The following IL1RL2 variants were observed in gnomAD, a reference collection of about 807,000 sequenced individuals.
IL1RL2 encodes the protein interleukin 1 receptor like 2, also known as interleukin-1 receptor-like 2.
Under a neutral mutation model 66.8 loss-of-function variants are expected in IL1RL2, and 68 were observed. That is an observed-to-expected ratio of 1.02 (90% CI 0.84 to 1.25). The LOEUF (loss-of-function observed/expected upper bound fraction) is 1.25, where lower values mean the gene tolerates loss of function less well. Among genes scored for constraint, IL1RL2 ranks in the 50% most tolerant of loss-of-function variants. The probability of loss-of-function intolerance (pLI) is 0.00; values close to 1 mark genes in which losing one functional copy is unlikely to be tolerated. For missense variants in IL1RL2, 729 were observed against 709.3 expected, an observed-to-expected ratio of 1.03 and a Z score of -0.32; for synonymous variants, 305 against 264.6, an observed-to-expected ratio of 1.15 and a Z score of -1.48.
chr2:102,227,753 G>A (rs1189004266), intron 9 of IL1RL2, among the ~76,000 whole-genome samples: 1 of 152,110 alleles, frequency 6.6e-6, no homozygotes, highest in Admixed American at 6.5e-5. Flanking sequence ...AGAAGCCTGC[G>A]TCACTTTACG....
chr2:102,238,221 T>C (rs1387284195), intron 11 of IL1RL2, among the ~76,000 whole-genome samples: 1 of 151,940 alleles, frequency 6.6e-6, no homozygotes, highest in Non-Finnish European at 1.5e-5. Context: ...TGGGTTACCT[T>C]TACATTCACC....
intron 10 of IL1RL2, 56 bp from the exon 11 acceptor site, chr2:102,234,841 A>T: frequency 6.7e-7 from 1 of 1,487,292 alleles, no homozygotes; most frequent in Non-Finnish European, 9.2e-7. Flanking sequence ...CACTAGCATT[A>T]AGACCCGGGC....
intron 2 of IL1RL2, among the ~76,000 whole-genome samples, 156 bp downstream of exon 2, chr2:102,188,081 C>CACA (rs1686858379): frequency 6.6e-6 from 1 of 152,104 alleles, no homozygotes; most frequent in South Asian, 2.1e-4. Context: ...AACAGAGAAC[C>CACA]AGCTCCACGT....
chr2:102,201,487 C>T, intron 4 of IL1RL2, 69 bp from the exon 5 acceptor site: 1 of 1,444,832 alleles, frequency 6.9e-7, no homozygotes, highest in Non-Finnish European at 9.7e-7. Context: ...CTGTAAATTA[C>T]CTAAATACTA....
At chr2:102,235,397 T>C (rs1219416214) in intron 11 of IL1RL2, 120 bp downstream of exon 11, 15 of 1,485,704 alleles carry the variant, frequency 1.0e-5, no homozygotes, top group Non-Finnish European at 9.8e-6. Flanking sequence ...AAGCTGGCAG[T>C]TGCGTACTAG....
At chr2:102,187,948 T>A (rs966347500) in intron 2 of IL1RL2, 23 bp downstream of exon 2, 5 of 1,609,788 alleles carry the variant, frequency 3.1e-6, no homozygotes, top group Admixed American at 1.7e-5. Context: ...TGTCCTCCGT[T>A]CCCAGAGGCT....
chr2:102,204,289 T>C (rs72998543), intron 5 of IL1RL2, among the ~76,000 whole-genome samples: 2,229 of 152,264 alleles, frequency 0.015, 66 homozygotes, highest in African/African-American at 0.05. Context: ...AGACTTGTTT[T>C]GTGACCTAAC....
chr2:102,195,634 T>C (rs1687679719), intron 4 of IL1RL2, among the ~76,000 whole-genome samples: 1 of 32,362 alleles, frequency 3.1e-5, no homozygotes, highest in Non-Finnish European at 7.2e-5. Flanking sequence ...TCTTTCTCTC[T>C]CTCTCTCTCT....
At chr2:102,242,119 C>T (rs1675247434), downstream of IL1RL2, among the ~76,000 whole-genome samples, 1 of 152,196 alleles carries the variant, frequency 6.6e-6, no homozygotes, top group Admixed American at 6.5e-5. Context: ...ATAAGACATC[C>T]TGGCTATTCT....
intron 7 of IL1RL2, 113 bp from the exon 8 acceptor site, chr2:102,219,768 C>T (rs1478980838): frequency 2.0e-6 from 2 of 1,017,096 alleles, no homozygotes; most frequent in Non-Finnish European, 2.9e-6. Flanking sequence ...TTTAGGATAA[C>T]ATGATGGCCC....
intron 4 of IL1RL2, among the ~76,000 whole-genome samples, chr2:102,197,108 TG>T (rs1209206540): frequency 2.0e-5 from 3 of 152,146 alleles, no homozygotes; most frequent in Non-Finnish European, 2.9e-5. Flanking sequence ...TTTTTCTAAT[TG>T]TAAGGAGATG....
chr2:102,199,703 A>G (rs1333052652), intron 4 of IL1RL2, among the ~76,000 whole-genome samples: 3 of 152,226 alleles, frequency 2.0e-5, no homozygotes, highest in Non-Finnish European at 4.4e-5. Flanking sequence ...CTTTAAGATG[A>G]TTAAAATATG....
At chr2:102,237,322 C>T (rs35894223) in intron 11 of IL1RL2, among the ~76,000 whole-genome samples, 1,887 of 152,296 alleles carry the variant, frequency 0.012, 16 homozygotes, top group African/African-American at 0.024. Flanking sequence ...CTTACTGCCC[C>T]GGGGTTAGTC....
chr2:102,240,609 G>A (rs527627887), downstream of IL1RL2, among the ~76,000 whole-genome samples: 1 of 152,072 alleles, frequency 6.6e-6, no homozygotes, highest in Non-Finnish European at 1.5e-5. Context: ...GTCACAGCTC[G>A]CCAACTTGTT....
chr2:102,215,014 T>C (rs553875634), intron 6 of IL1RL2, among the ~76,000 whole-genome samples: 1 of 144,544 alleles, frequency 6.9e-6, no homozygotes, highest in Admixed American at 6.8e-5. Flanking sequence ...TGTCACTCTG[T>C]TTCCCCCACC....
At chr2:102,211,512 A>C (rs539562592) in intron 5 of IL1RL2, among the ~76,000 whole-genome samples, 2 of 152,214 alleles carry the variant, frequency 1.3e-5, no homozygotes, top group Non-Finnish European at 2.9e-5. Context: ...AACTTTGACA[A>C]TTATCAACTT....
intron 5 of IL1RL2, among the ~76,000 whole-genome samples, chr2:102,205,480 G>T (rs1271167841): frequency 1.3e-5 from 2 of 152,160 alleles, no homozygotes; most frequent in Non-Finnish European, 2.9e-5. Context: ...GTCTGGGAAA[G>T]TCTATTTCTT....
chr2:102,235,689 C>A (rs887459781), intron 11 of IL1RL2: 4 of 985,282 alleles, frequency 4.1e-6, no homozygotes, highest in Admixed American at 6.1e-5. Context: ...GGAGGGCAGT[C>A]TAGCACCAGG....
In IL1RL2 at chr2:102,225,966, T is replaced by A; in HGVS notation, c.1060T>A (p.Tyr354Asn). The A allele has an allele frequency of 6.2e-7, 1 of 1,611,510 alleles. No homozygotes were observed. Among genetic ancestry groups the A allele is most frequent in the Non-Finnish European group, 8.5e-7 (1 of 1,178,724 alleles). Reference protein sequence around the residue: ...ALVAVAVSVVYIYNIFKIDIV... With the variant: ...ALVAVAVSVVNIYNIFKIDIV... ...GGTGGCTGTGGCTGTGTCTGTTGTGTACATATACAACATTTTTAAGATCGA... is the reference window on the plus strand; with the variant it reads ...GGTGGCTGTGGCTGTGTCTGTTGTGAACATATACAACATTTTTAAGATCGA... Residue 354 changes from tyrosine (Y) to asparagine (N), a missense_variant, in exon 9 of 12, where the codon TAC (tyrosine) becomes AAC (asparagine). Physicochemically the swap from Tyr to Asn is moderately radical, Grantham distance 143. Transcript: ENST00000264257.
Sources: allele counts gnomAD v4.1 joint callset (sites outside exome capture counted in the v4.1 genomes callset), GRCh38; gene constraint gnomAD v4.1.1; transcripts MANE v1.5; gene names NCBI Gene and HGNC (gene_info 2026-07-23, HGNC 2026-07-21).